Variants in EYA2 observed in about 807,000 individuals in gnomAD.
EYA2 encodes the protein EYA transcriptional coactivator and phosphatase 2, also known as protein phosphatase EYA2.
EYA2 carries 31 observed loss-of-function variants against 69.2 expected under a neutral mutation model. The observed-to-expected ratio is 0.45, with a 90% CI of 0.34 to 0.60. The LOEUF (loss-of-function observed/expected upper bound fraction) is 0.60. Ranked by LOEUF, EYA2 falls within the 20% of genes least tolerant of loss-of-function variation. The pLI is 0.02. For synonymous variants in EYA2, 257 were observed against 279.4 expected (o/e 0.92, Z 0.80); for missense variants, 622 against 701.2 (o/e 0.89, Z 1.28).
At position 47,143,123 on chromosome 20, in the gene EYA2, C is replaced by T; in HGVS notation, c.953C>T (p.Thr318Ile). ...MEEMIFNLAD[T>I]HLFFNDLEDC... Reference sequence around the variant, plus strand: ...GAGATGATCTTCAACCTTGCAGATACACATCTGTTCTTCAATGACCTGGAG... The same window carrying T: ...GAGATGATCTTCAACCTTGCAGATATACATCTGTTCTTCAATGACCTGGAG... Residue 318 changes from threonine to isoleucine, a missense_variant, in exon 10 of 16, where the codon ACA becomes ATA. This residue lies in a region of EYA2 where 257 missense variants were observed against 351.5 expected (regional missense o/e 0.73). Coordinates refer to ENST00000327619, the MANE Select transcript of EYA2 (RefSeq NM_005244.5). 1 of 1,613,500 alleles carries T rather than the reference C, an allele frequency of 6.2e-7. No individual in the cohort carries two copies. Among genetic ancestry groups the T allele is most frequent in the Non-Finnish European group, 8.5e-7 (1 of 1,179,728 alleles).
At chr20:47,032,555 T>C (rs1197320559) in intron 5 of EYA2, among the ~76,000 whole-genome samples, 1 of 152,164 alleles carries the variant, frequency 6.6e-6, no homozygotes, top group African/African-American at 2.4e-5. Context: ...GTTTTATAAG[T>C]TGTCTTTTAT....
At chr20:46,949,806 G>A (rs1221957726) in intron 1 of EYA2, among the ~76,000 whole-genome samples, 2 of 152,242 alleles carry the variant, frequency 1.3e-5, no homozygotes, top group Non-Finnish European at 2.9e-5. Flanking sequence ...GGTTAAGAGT[G>A]GAAGCACATT....
At chr20:47,098,755 C>T (rs6124941) in intron 9 of EYA2, among the ~76,000 whole-genome samples, 50,764 of 152,068 alleles carry the variant, frequency 0.33, 8,881 homozygotes, top group East Asian at 0.59. Context: ...CACTGCAGCC[C>T]CCTACATTGG....
At chr20:47,009,755 G>A (rs1192381563) in intron 4 of EYA2, among the ~76,000 whole-genome samples, 6 of 152,188 alleles carry the variant, frequency 3.9e-5, no homozygotes, top group Non-Finnish European at 7.3e-5. Flanking sequence ...AAGCATAAAC[G>A]AATGGGCTGT....
intron 9 of EYA2, among the ~76,000 whole-genome samples, chr20:47,123,994 A>G (rs929045323): frequency 6.8e-4 from 103 of 150,952 alleles, no homozygotes; most frequent in African/African-American, 2.4e-3. Context: ...AAAAAAAAAA[A>G]GGTGGGGGAG....
chr20:46,961,506 G>A (rs562052679), intron 1 of EYA2, among the ~76,000 whole-genome samples: 4 of 152,226 alleles, frequency 2.6e-5, no homozygotes, highest in East Asian at 3.9e-4. Flanking sequence ...ATGATCCAGC[G>A]ATCCCACTAC....
intron 5 of EYA2, among the ~76,000 whole-genome samples, chr20:47,017,800 G>A (rs923631102): frequency 6.6e-6 from 1 of 152,188 alleles, no homozygotes; most frequent in Non-Finnish European, 1.5e-5. Context: ...AGAGGAAACT[G>A]AGGCATAGAA....
intron 5 of EYA2, among the ~76,000 whole-genome samples, chr20:47,020,298 A>G (rs1005783170): frequency 2.0e-5 from 3 of 152,186 alleles, no homozygotes; most frequent in Non-Finnish European, 4.4e-5. Flanking sequence ...TAGGTCTTCT[A>G]GCTAATCTCA....
At chr20:47,135,189 G>C (rs1483659514) in intron 9 of EYA2, among the ~76,000 whole-genome samples, 4 of 149,996 alleles carry the variant, frequency 2.7e-5, no homozygotes. Context: ...CTGACTCCTG[G>C]GTTCTATTAT....
chr20:47,058,991 A>G (rs753138085), intron 5 of EYA2, among the ~76,000 whole-genome samples: 3 of 152,198 alleles, frequency 2.0e-5, no homozygotes, highest in Non-Finnish European at 4.4e-5. Context: ...ACACTAGTGC[A>G]TGTTTTGCAC....
chr20:46,982,165 G>A (rs903305092), intron 1 of EYA2, among the ~76,000 whole-genome samples: 2 of 151,956 alleles, frequency 1.3e-5, no homozygotes, highest in Non-Finnish European at 2.9e-5. Flanking sequence ...TTTTAGTGCA[G>A]GTTTACTGAT....
chr20:47,130,842 C>T (rs1289304325), intron 9 of EYA2, among the ~76,000 whole-genome samples: 1 of 152,160 alleles, frequency 6.6e-6, no homozygotes, highest in African/African-American at 2.4e-5. Context: ...ATAATCCCAA[C>T]ACTTTGGGAG....
chr20:46,950,569 G>A (rs977561687), intron 1 of EYA2, among the ~76,000 whole-genome samples: 5 of 152,208 alleles, frequency 3.3e-5, no homozygotes, highest in African/African-American at 1.2e-4. Flanking sequence ...TTGCAGCTAG[G>A]TTTCTAGGAG....
chr20:47,037,595 C>G (rs531405805), intron 5 of EYA2, among the ~76,000 whole-genome samples: 2 of 152,334 alleles, frequency 1.3e-5, no homozygotes, highest in African/African-American at 2.4e-5. Flanking sequence ...TCTGGAGCCT[C>G]TAGGGGAGCA....
chr20:47,188,571 A>G lies in EYA2; in HGVS notation c.*438A>G, dbSNP rs2034695126. ...GTTTGGTTTGGTTTTTTGAACTGGTATGTGGGGTGGTTCACAGTTCTAATG... is the reference window on the plus strand; with the variant it reads ...GTTTGGTTTGGTTTTTTGAACTGGTGTGTGGGGTGGTTCACAGTTCTAATG... On this transcript the variant is annotated 3_prime_UTR_variant, in exon 16 of 16. Transcript: ENST00000327619. The G allele has an allele frequency of 2.5e-5, 11 of 448,380 alleles. No homozygotes were observed. The highest frequency in any genetic ancestry group is 1.1e-3 in the Middle Eastern group (2 of 1,760). 27.8% of individuals were successfully genotyped at this position (448,380 alleles called of 1,614,324 possible). A position where few individuals can be genotyped will look rare whatever the true frequency, so the allele number is the denominator to read the frequency against.
intron 5 of EYA2, among the ~76,000 whole-genome samples, chr20:47,052,137 G>A (rs2030374043): frequency 6.6e-6 from 1 of 152,134 alleles, no homozygotes; most frequent in Admixed American, 6.6e-5. Context: ...TGCTCCCATG[G>A]GGCTCATATT....
At chr20:47,169,662 C>A (rs2034279511) in intron 11 of EYA2, among the ~76,000 whole-genome samples, 2 of 152,242 alleles carry the variant, frequency 1.3e-5, no homozygotes, top group South Asian at 4.1e-4. Flanking sequence ...CCTGACCTCA[C>A]CTCCCAAACT....
chr20:47,182,662 G>C (rs1407191995), intron 14 of EYA2, among the ~76,000 whole-genome samples: 1 of 142,676 alleles, frequency 7.0e-6, no homozygotes, highest in South Asian at 2.2e-4. Context: ...ATGGCTGGGT[G>C]CAGTGGCTCA....
At chr20:47,164,650 C>A (rs1216532708) in intron 10 of EYA2, among the ~76,000 whole-genome samples, 5 of 152,118 alleles carry the variant, frequency 3.3e-5, no homozygotes, top group Non-Finnish European at 7.3e-5. Context: ...GCTCAGAGGT[C>A]TCAGACTCAC....
Sources: gnomAD v4.1 joint callset for allele counts (sites outside exome capture counted in the v4.1 genomes callset) on GRCh38, gnomAD v4.1.1 for gene constraint, gnomAD v4.1.1 regional missense constraint, MANE v1.5 for transcripts, NCBI Gene and HGNC (gene_info 2026-07-23, HGNC 2026-07-21) for gene names.